The following LPP variants were observed in gnomAD, a reference collection of about 807,000 sequenced individuals.
The protein encoded by LPP is LIM domain containing preferred translocation partner in lipoma, also known as lipoma-preferred partner.
A neutral mutation model predicts 60.4 loss-of-function variants in LPP; 38 were observed. The ratio of observed to expected loss-of-function variants is 0.63; its 90% CI spans 0.49 to 0.83. LPP has a LOEUF of 0.83. Among genes scored for constraint, LPP ranks in the 40% least tolerant of loss-of-function variants. The pLI is 0.00. For synonymous variants in LPP, 328 were observed against 290.8 expected, an observed-to-expected ratio of 1.13 and a Z score of -1.30; for missense variants, 902 against 783.6, an observed-to-expected ratio of 1.15 and a Z score of -1.80.
intron 6 of LPP, among the ~76,000 whole-genome samples, chr3:188,539,185 G>A (rs1259949243): frequency 1.3e-5 from 2 of 152,144 alleles, no homozygotes; most frequent in Non-Finnish European, 2.9e-5. Context: ...TAAAAAATTT[G>A]TTTTAAAAGG....
At chr3:188,393,737 C>T (rs1024314115) in intron 3 of LPP, among the ~76,000 whole-genome samples, 2 of 152,150 alleles carry the variant, frequency 1.3e-5, no homozygotes, top group African/African-American at 4.8e-5. Flanking sequence ...AGTTTACCTT[C>T]TCTTTTATAT....
At position 188,882,922 on chromosome 3, in the gene LPP, AGT is replaced by A. The variant is rs1206549103; in HGVS notation, c.*8444_*8445del. ...CCCAGCTAATTTTTTTTGTACTTTT[AGT>A]AGAGACGGGGTTTCACCGTGGTCTC... On this transcript the variant is annotated 3_prime_UTR_variant, in exon 12 of 12. Coordinates refer to ENST00000617246, the MANE Select transcript of LPP (RefSeq NM_001375462.1). The A allele has an allele frequency of 5.5e-6, 1 of 182,022 alleles. No homozygotes were observed. The highest frequency in any genetic ancestry group is 2.4e-5 in the African/African-American group (1 of 42,374). The allele number at this position is 182,022 out of a possible 1,614,324, so 11.3% of individuals were successfully genotyped here.
At chr3:188,225,050 C>T (rs1350434336) in intron 1 of LPP, among the ~76,000 whole-genome samples, 2 of 152,136 alleles carry the variant, frequency 1.3e-5, no homozygotes, top group Non-Finnish European at 2.9e-5. Context: ...AATTTGTCTC[C>T]AAACTCATAT....
intron 9 of LPP, among the ~76,000 whole-genome samples, chr3:188,840,302 T>C (rs553027492): frequency 1.5e-4 from 23 of 152,318 alleles, no homozygotes; most frequent in African/African-American, 5.5e-4. Context: ...CTGGAAGCTA[T>C]GTTTTACCTA....
intron 2 of LPP, chr3:188,247,159 C>G: frequency 1.2e-5 from 12 of 984,958 alleles, no homozygotes; most frequent in Non-Finnish European, 1.4e-5. Flanking sequence ...AGGCAAGGAA[C>G]TGTCCAGAAG....
intron 2 of LPP, among the ~76,000 whole-genome samples, chr3:188,240,387 C>G (rs61407861): frequency 0.019 from 2,500 of 131,560 alleles, 61 homozygotes; most frequent in African/African-American, 0.072. Context: ...GAGAGAGAGA[C>G]AGAGAGAGAA....
intron 1 of LPP, among the ~76,000 whole-genome samples, chr3:188,219,020 G>A (rs1714770251): frequency 1.3e-5 from 2 of 148,950 alleles, no homozygotes. Context: ...CACTTTACCA[G>A]GAAGATGGGG....
At chr3:188,346,541 G>C (rs569621433) in intron 3 of LPP, among the ~76,000 whole-genome samples, 5 of 152,026 alleles carry the variant, frequency 3.3e-5, no homozygotes, top group Admixed American at 2.6e-4. Flanking sequence ...TGGGATTACA[G>C]GTGTGAGCCA....
chr3:188,793,885 T>G (rs186853633), intron 9 of LPP, among the ~76,000 whole-genome samples: 1 of 152,170 alleles, frequency 6.6e-6, no homozygotes, highest in Non-Finnish European at 1.5e-5. Flanking sequence ...GTCTATGTAG[T>G]TGCCTTTGCA....
At chr3:188,374,917 GC>G (rs1452089223) in intron 3 of LPP, among the ~76,000 whole-genome samples, 7 of 151,996 alleles carry the variant, frequency 4.6e-5, no homozygotes, top group Non-Finnish European at 1.0e-4. Context: ...TTAGCATGAA[GC>G]GTTGTTGAAT....
At chr3:188,249,590 A>G (rs555536688) in intron 2 of LPP, among the ~76,000 whole-genome samples, 8 of 152,152 alleles carry the variant, frequency 5.3e-5, no homozygotes, top group Non-Finnish European at 1.0e-4. Context: ...AATTTATTTT[A>G]AAATCATGTT....
In LPP at chr3:188,876,188, C is replaced by A. The variant is rs56288358; in HGVS notation, c.*1709C>A. 5,233 of 185,920 alleles carry A rather than the reference C, an allele frequency of 0.028. 293 individuals are homozygous for A. The highest frequency in any genetic ancestry group is 0.12 in the African/African-American group (4,905 of 42,632). 11.5% of individuals were successfully genotyped at this position (185,920 alleles called of 1,614,324 possible). ...GAACTGAAATAAAAAATTATGGATACGTGTTTTGAATTGCAAACTATTCCT... is the reference window on the plus strand; with the variant it reads ...GAACTGAAATAAAAAATTATGGATAAGTGTTTTGAATTGCAAACTATTCCT... On this transcript the variant is annotated 3_prime_UTR_variant, in exon 12 of 12. Coordinates refer to ENST00000617246, the MANE Select transcript of LPP (RefSeq NM_001375462.1).
intron 7 of LPP, among the ~76,000 whole-genome samples, chr3:188,667,349 G>A (rs1856009665): frequency 6.6e-6 from 1 of 151,786 alleles, no homozygotes; most frequent in South Asian, 2.1e-4. Context: ...GTGGTGGTGG[G>A]CGCCTGTAGT....
chr3:188,351,851 G>T (rs1444019174), intron 3 of LPP, among the ~76,000 whole-genome samples: 3 of 152,126 alleles, frequency 2.0e-5, no homozygotes, highest in Non-Finnish European at 2.9e-5. Flanking sequence ...GGCGTTGGGG[G>T]ACTTGTGGTC....
chr3:188,661,097 A>G (rs1024415911), intron 7 of LPP, among the ~76,000 whole-genome samples: 3 of 152,170 alleles, frequency 2.0e-5, no homozygotes, highest in Non-Finnish European at 2.9e-5. Context: ...TACAATATGC[A>G]GCCTTTCCAT....
chr3:188,536,782 T>C (rs756594276), intron 6 of LPP, among the ~76,000 whole-genome samples: 5 of 152,240 alleles, frequency 3.3e-5, no homozygotes, highest in African/African-American at 4.8e-5. Context: ...TATAGTCAGA[T>C]ATATGAACCC....
At chr3:188,332,385 A>G (rs1760346677) in intron 2 of LPP, among the ~76,000 whole-genome samples, 1 of 152,234 alleles carries the variant, frequency 6.6e-6, no homozygotes, top group Non-Finnish European at 1.5e-5. Context: ...ACAATCATTT[A>G]GTTGTACAAT....
intron 1 of LPP, among the ~76,000 whole-genome samples, chr3:188,195,096 TA>T (rs1729157388): frequency 6.6e-6 from 1 of 152,048 alleles, no homozygotes; most frequent in Non-Finnish European, 1.5e-5. Flanking sequence ...TCGTCTCTAC[TA>T]AAAGTACAAA....
At chr3:188,190,306 G>A (rs1163264725) in intron 1 of LPP, among the ~76,000 whole-genome samples, 3 of 152,128 alleles carry the variant, frequency 2.0e-5, no homozygotes, top group East Asian at 1.9e-4. Flanking sequence ...TGATCCGCCC[G>A]CCTCGGCCTC....
Sources: gnomAD v4.1 joint callset for allele counts (sites outside exome capture counted in the v4.1 genomes callset) on GRCh38, gnomAD v4.1.1 for gene constraint, MANE v1.5 for transcripts, NCBI Gene and HGNC (gene_info 2026-07-23, HGNC 2026-07-21) for gene names.